Variants in SCN9A observed in about 807,000 individuals in gnomAD.
SCN9A encodes the protein sodium channel protein type 9 subunit alpha.
Under a neutral mutation model 187.0 loss-of-function variants are expected in SCN9A, and 131 were observed. The ratio of observed to expected loss-of-function variants is 0.70; its 90% CI spans 0.61 to 0.81. SCN9A has a LOEUF of 0.81. Among genes scored for constraint, SCN9A ranks in the 30% least tolerant of loss-of-function variants. SCN9A has a pLI of 0.00. For missense variants in SCN9A, 2,252 were observed against 2,396.6 expected (o/e 0.94, Z 1.26); for synonymous variants, 809 against 808.6 (o/e 1.00, Z -0.01).
intron 17 of SCN9A, among the ~76,000 whole-genome samples, chr2:166,258,959 T>G (rs1696393424): frequency 6.6e-6 from 1 of 151,644 alleles, no homozygotes; most frequent in South Asian, 2.1e-4. Flanking sequence ...TTATAATCAA[T>G]TCAATAAAAA....
chr2:166,332,838 T>G, intron 1 of SCN9A, among the ~76,000 whole-genome samples: 1 of 151,932 alleles, frequency 6.6e-6, no homozygotes, highest in East Asian at 1.9e-4. Flanking sequence ...CAAGCCATTA[T>G]TTAATCTTGC....
chr2:166,347,190 T>G (rs1396935539), intron 1 of SCN9A, among the ~76,000 whole-genome samples: 10 of 152,250 alleles, frequency 6.6e-5, no homozygotes, highest in Non-Finnish European at 1.2e-4. Context: ...CCATCACTCT[T>G]GCCGTCTTTA....
At chr2:166,287,201 T>G (rs1360625877) in intron 10 of SCN9A, among the ~76,000 whole-genome samples, 1 of 152,040 alleles carries the variant, frequency 6.6e-6, no homozygotes, top group Non-Finnish European at 1.5e-5. Flanking sequence ...AAAAAATTCT[T>G]GTAAAAACAT....
Position 166,203,958 on chromosome 2 carries a change from C to A in SCN9A, c.4771G>T (p.Val1591Leu). Residue 1591 changes from valine (V) to leucine (L), a missense_variant, in exon 26 of 27, where the codon GTA (valine) becomes TTA (leucine). This residue lies in a region of SCN9A where 368 missense variants were observed against 408.6 expected (regional missense o/e 0.90). Coordinates refer to ENST00000642356, the MANE Select transcript of SCN9A (RefSeq NM_001365536.1). ...FDFVVVIISI[V>L]GMFLADLIET... ...TCTGAAAAATAAATATTCTTACCTA[C>A]AATGGAGATAATCACAACCACAAAA... The A allele has an allele frequency of 6.4e-7, 1 of 1,555,106 alleles. No individual in the cohort carries two copies. Among genetic ancestry groups the A allele is most frequent in the Non-Finnish European group, 8.8e-7 (1 of 1,133,110 alleles).
At position 166,288,584 on chromosome 2, in the gene SCN9A, G is replaced by T. The variant is rs766473760; in HGVS notation, c.1167C>A (p.Gly389=). 6.2e-7 allele frequency: 1 copy of T among 1,611,492 alleles called. No homozygotes were observed. Among genetic ancestry groups the T allele is most frequent in the Non-Finnish European group, 8.5e-7 (1 of 1,178,270 alleles). The change falls in exon 10 of 27, where the codon GGC becomes GGA. Residue 389 remains glycine (G), a synonymous_variant. Transcript: ENST00000642356. Reference sequence around the variant, plus strand: ...GGATCAAGTTTATTAGATAAAAGGAGCCCAGGAAAATCACTACGACAAAGA... The same window carrying T: ...GGATCAAGTTTATTAGATAAAAGGATCCCAGGAAAATCACTACGACAAAGA... ...MIFFVVVIFL[G]SFYLINLILA...
At chr2:166,290,165 T>G (rs1697979773) in intron 9 of SCN9A, among the ~76,000 whole-genome samples, 1 of 151,272 alleles carries the variant, frequency 6.6e-6, no homozygotes, top group Non-Finnish European at 1.5e-5. Flanking sequence ...GAACATGCAG[T>G]GTTTGGTTTT....
At chr2:166,306,824 T>A in intron 3 of SCN9A, 132 bp downstream of exon 3, 1 of 642,722 alleles carries the variant, frequency 1.6e-6, no homozygotes. Context: ...CAAATTATAT[T>A]AATAATACTG....
intron 18 of SCN9A, among the ~76,000 whole-genome samples, chr2:166,249,172 G>A (rs773363011): frequency 6.6e-6 from 1 of 152,038 alleles, no homozygotes; most frequent in Non-Finnish European, 1.5e-5. Context: ...TTTATAGGCA[G>A]GCTTTCTCTG....
intron 17 of SCN9A, among the ~76,000 whole-genome samples, chr2:166,264,886 C>T (rs913268695): frequency 1.3e-5 from 2 of 151,894 alleles, no homozygotes; most frequent in Non-Finnish European, 1.5e-5. Context: ...TCTCAGAAAC[C>T]TGAATCCAAG....
At chr2:166,234,094 T>A (rs1695210913) in intron 20 of SCN9A, among the ~76,000 whole-genome samples, 1 of 152,096 alleles carries the variant, frequency 6.6e-6, no homozygotes, top group African/African-American at 2.4e-5. Context: ...AATATAGATA[T>A]AATAAGAGCT....
At chr2:166,206,131 A>G (rs180995319) in intron 24 of SCN9A, among the ~76,000 whole-genome samples, 98 of 152,278 alleles carry the variant, frequency 6.4e-4, no homozygotes, top group South Asian at 1.9e-3. Context: ...CTAAAACTAG[A>G]AATACCATTT....
chr2:166,327,683 TCA>T (rs888390904), intron 1 of SCN9A, among the ~76,000 whole-genome samples: 33 of 151,306 alleles, frequency 2.2e-4, no homozygotes, highest in African/African-American at 6.6e-4. Flanking sequence ...TCCTCTTTCC[TCA>T]CTACAACACC....
intron 26 of SCN9A, among the ~76,000 whole-genome samples, chr2:166,201,790 A>G (rs1466030191): frequency 1.3e-5 from 2 of 151,520 alleles, no homozygotes; most frequent in African/African-American, 2.4e-5. Flanking sequence ...ATGGCAGTAT[A>G]TGATAGTGCT....
intron 18 of SCN9A, among the ~76,000 whole-genome samples, chr2:166,248,872 G>A (rs777320830): frequency 1.3e-5 from 2 of 151,700 alleles, no homozygotes; most frequent in Non-Finnish European, 2.9e-5. Context: ...GTTTCGCTAC[G>A]TTGGCCAGGC....
chr2:166,323,416 A>G (rs4331519), intron 1 of SCN9A, among the ~76,000 whole-genome samples: 21,196 of 152,176 alleles, frequency 0.14, 1,541 homozygotes, highest in Admixed American at 0.18. Context: ...TTTCATCCCC[A>G]AGGTACTATG....
rs186767700 is a variant in SCN9A, at chr2:166,347,017, T to C, written c.-51+28680A>G. 6.7e-3 allele frequency among the ~76,000 whole-genome samples: 1,015 copies of C among 152,326 alleles called. 43 individuals are homozygous for C. The highest frequency in any genetic ancestry group is 0.062 in the Admixed American group (947 of 15,286). On this transcript the variant is annotated intron_variant, in intron 1 of 26. Transcript: ENST00000642356. ...ATTGGGACTGGGAGTGAGTCATCCA[T>C]GTGTCTGTCCCATTTCTCCACATCA...
intron 1 of SCN9A, among the ~76,000 whole-genome samples, chr2:166,346,575 A>G (rs772039784): frequency 2.0e-4 from 31 of 152,146 alleles, no homozygotes; most frequent in Non-Finnish European, 2.5e-4. Flanking sequence ...CTGGGAAAAA[A>G]TATGTATCTC....
chr2:166,331,409 C>A (rs1458087219), intron 1 of SCN9A, among the ~76,000 whole-genome samples: 1 of 152,168 alleles, frequency 6.6e-6, no homozygotes, highest in African/African-American at 2.4e-5. Flanking sequence ...AAGTTTCTTT[C>A]ACATATGAGT....
chr2:166,327,250 G>A (rs996886152), intron 1 of SCN9A, among the ~76,000 whole-genome samples: 2 of 151,984 alleles, frequency 1.3e-5, no homozygotes, highest in Admixed American at 6.6e-5. Context: ...CATCATCCTC[G>A]TGCACTCAAG....
Sources: gnomAD v4.1 joint callset for allele counts (sites outside exome capture counted in the v4.1 genomes callset) on GRCh38, gnomAD v4.1.1 for gene constraint, gnomAD v4.1.1 regional missense constraint, MANE v1.5 for transcripts, NCBI Gene and HGNC (gene_info 2026-07-23, HGNC 2026-07-21) for gene names.